Variants in JPH1 observed in about 807,000 individuals in gnomAD.
JPH1 encodes the protein junctophilin-1.
In JPH1, 12 loss-of-function variants were observed where a neutral mutation model predicts 53.6. The observed-to-expected ratio is 0.22, with a 90% CI of 0.14 to 0.36. JPH1 has a LOEUF of 0.36. Among genes scored for constraint, JPH1 ranks in the 10% least tolerant of loss-of-function variants. The pLI, the probability that JPH1 is intolerant of heterozygous loss-of-function variation, is 1.00. For synonymous variants in JPH1, 375 were observed against 363.8 expected (o/e 1.03, Z -0.35); for missense variants, 808 against 905.5 (o/e 0.89, Z 1.38).
intron 2 of JPH1, among the ~76,000 whole-genome samples, chr8:74,301,123 A>G (rs1807669620): frequency 6.6e-6 from 1 of 152,118 alleles, no homozygotes; most frequent in South Asian, 2.1e-4. Flanking sequence ...CAGTCCATCA[A>G]GTCCTGCTAA....
chr8:74,287,040 A>T (rs1424342774), intron 2 of JPH1, among the ~76,000 whole-genome samples: 1 of 152,212 alleles, frequency 6.6e-6, no homozygotes. Context: ...GCTACTTTTA[A>T]TTTACAACTC....
chr8:74,241,791 A>G (rs1250355841), intron 4 of JPH1, among the ~76,000 whole-genome samples: 1 of 152,224 alleles, frequency 6.6e-6, no homozygotes, highest in African/African-American at 2.4e-5. Flanking sequence ...TTCAAAAGAA[A>G]GATTAGATGA....
At chr8:74,249,818 C>G (rs1248354895) in intron 3 of JPH1, among the ~76,000 whole-genome samples, 1 of 152,064 alleles carries the variant, frequency 6.6e-6, no homozygotes, top group Non-Finnish European at 1.5e-5. Context: ...TAATTCATAC[C>G]AGAAATGCAA....
chr8:74,243,826 C>A (rs987617403), intron 4 of JPH1, among the ~76,000 whole-genome samples: 2 of 152,174 alleles, frequency 1.3e-5, no homozygotes, highest in African/African-American at 2.4e-5. Flanking sequence ...GCTTTTCTGG[C>A]TGAATAATAA....
chr8:74,298,017 T>TTTAGAGATTTCTCTA (rs1807570793), intron 2 of JPH1, among the ~76,000 whole-genome samples: 2 of 152,248 alleles, frequency 1.3e-5, no homozygotes, highest in Middle Eastern at 3.2e-3. Context: ...CTGCCTCTTC[T>TTTAGAGATTTCTCTA]TTAGAGATTT....
rs146741248 is a variant in JPH1 at position 74,320,997 on chromosome 8, C to A, written c.291G>T (p.Arg97=). ...AGCGAGCGGGGGTGCACAGGCTCTG[C>A]CGGACCCCGTAGCGCCCCTTGAAAC... ...SHGFKGRYGV[R]QSLCTPARYE... The change falls in exon 1 of 6, where the codon CGG becomes CGT. Residue 97 remains arginine (R), a synonymous_variant. Transcript: ENST00000342232. This position sits in a 1 kb window ranked among gnomAD's most constrained non-coding sequence, Gnocchi z 4.4. 6.2e-7 allele frequency: 1 copy of A among 1,612,768 alleles called. No individual in the cohort carries two copies. The highest frequency in any genetic ancestry group is 8.5e-7 in the Non-Finnish European group (1 of 1,179,480).
At chr8:74,277,943 CTT>C (rs892864272) in intron 2 of JPH1, among the ~76,000 whole-genome samples, 1 of 152,156 alleles carries the variant, frequency 6.6e-6, no homozygotes, top group Admixed American at 6.5e-5. Context: ...ACCAGTGTTG[CTT>C]TTTTTGTTGT....
Position 74,234,750 on chromosome 8 carries a change from T to C in JPH1, c.*2301A>G, listed in dbSNP as rs1563387579. On this transcript the variant is annotated 3_prime_UTR_variant, in exon 6 of 6. Coordinates refer to ENST00000342232, the MANE Select transcript of JPH1 (RefSeq NM_020647.4). ...TTAGAGCAGATACAGTTGTGAAAAC[T>C]GTACATTATACATTTTGGTTTCAAG... 6.6e-6 allele frequency: 1 copy of C among 152,640 alleles called. No individual in the cohort carries two copies. Among genetic ancestry groups the C allele is most frequent in the African/African-American group, 2.4e-5 (1 of 41,442 alleles). 9.5% of individuals were successfully genotyped at this position (152,640 alleles called of 1,614,324 possible). A position where few individuals can be genotyped will look rare whatever the true frequency, so the allele number is the denominator to read the frequency against.
chr8:74,295,963 G>A (rs893146353), intron 2 of JPH1, among the ~76,000 whole-genome samples: 3 of 145,724 alleles, frequency 2.1e-5, no homozygotes, highest in African/African-American at 5.1e-5. Flanking sequence ...TTTCAGTTAC[G>A]AATAATCACC....
rs532736343 is a variant in JPH1 at position 74,238,941 on chromosome 8, T to A, written c.1906-1638A>T. Among the ~76,000 whole-genome samples, 58 of 152,276 alleles carry A rather than the reference T, an allele frequency of 3.8e-4. No homozygotes were observed. The South Asian group carries it at 0.012, about 32-fold the overall frequency. On this transcript the variant is annotated intron_variant, in intron 4 of 5. Coordinates refer to ENST00000342232, the MANE Select transcript of JPH1 (RefSeq NM_020647.4). ...CCAAAGTGCTGGGATTCCAGGCGTG[T>A]ACCACAGTGCCTGACCCAAATGTGG...
chr8:74,299,457 G>C (rs1284523211), intron 2 of JPH1, among the ~76,000 whole-genome samples: 1 of 152,144 alleles, frequency 6.6e-6, no homozygotes, highest in African/African-American at 2.4e-5. Context: ...GCCAATCAAA[G>C]GGGGTCAACG....
chr8:74,253,332 C>T (rs1806122801), intron 3 of JPH1, among the ~76,000 whole-genome samples: 1 of 150,612 alleles, frequency 6.6e-6, no homozygotes, highest in South Asian at 2.1e-4. Context: ...TAAAGATGTT[C>T]TTTGAAACCA....
Position 74,315,334 on chromosome 8 carries a change from T to C in JPH1, c.666A>G (p.Lys222=), listed in dbSNP as rs931351291. The stretch of plus-strand genomic sequence containing the variant: ...AAGACTTGGATTCGGACTTGCGAAG[T>C]TTCATGCTTCCAAGAAGGGAGCCCC... ...FRRGSLLGSM[K]LRKSESKSSI... The change falls in exon 2 of 6, where the codon AAA becomes AAG. Residue 222 remains lysine, a synonymous_variant. Coordinates refer to ENST00000342232, the MANE Select transcript of JPH1 (RefSeq NM_020647.4). The surrounding 1 kb of genome is among the most constrained non-coding windows in gnomAD (Gnocchi z 6.3). 1 of 1,613,464 alleles carries C rather than the reference T, an allele frequency of 6.2e-7. No homozygotes were observed. Among genetic ancestry groups the C allele is most frequent in the African/African-American group, 1.3e-5 (1 of 74,914 alleles).
At chr8:74,301,796 A>T (rs376256324) in intron 2 of JPH1, among the ~76,000 whole-genome samples, 1 of 151,966 alleles carries the variant, frequency 6.6e-6, no homozygotes, top group Non-Finnish European at 1.5e-5. Context: ...TCTTTTTATG[A>T]TTGTTTGGCT....
rs558907304 is a variant in JPH1 at position 74,308,799 on chromosome 8, G to A, written c.1139+6062C>T. On this transcript the variant is annotated intron_variant, in intron 2 of 5. Coordinates refer to ENST00000342232, the MANE Select transcript of JPH1 (RefSeq NM_020647.4). ...CTTAAAGCAGAGTGAGGACCCAGCA[G>A]CCTGAGGAGCCAGCCAGAGGGAGCA... Among the ~76,000 whole-genome samples the A allele has an allele frequency of 2.6e-5, 4 of 152,346 alleles. No homozygotes were observed. The East Asian group carries it at 7.7e-4, about 29-fold the overall frequency.
intron 2 of JPH1, among the ~76,000 whole-genome samples, chr8:74,293,959 C>T (rs1419976063): frequency 1.3e-5 from 2 of 152,150 alleles, no homozygotes; most frequent in Non-Finnish European, 2.9e-5. Flanking sequence ...CATGGGGTGT[C>T]TCTTTTGTAG....
At chr8:74,284,234 C>G (rs1807096785) in intron 2 of JPH1, among the ~76,000 whole-genome samples, 1 of 152,226 alleles carries the variant, frequency 6.6e-6, no homozygotes, top group African/African-American at 2.4e-5. Flanking sequence ...CCTTTATCCT[C>G]TCTTGAGACT....
intron 2 of JPH1, among the ~76,000 whole-genome samples, chr8:74,305,255 T>C (rs1316109307): frequency 1.3e-5 from 2 of 152,220 alleles, no homozygotes; most frequent in Admixed American, 6.5e-5. Flanking sequence ...TAATGGAAAG[T>C]TGTGAGCAGG....
chr8:74,239,581 T>C lies in JPH1; in HGVS notation c.1906-2278A>G, dbSNP rs1184915788. On this transcript the variant is annotated intron_variant, in intron 4 of 5. Transcript: ENST00000342232. The stretch of plus-strand genomic sequence containing the variant: ...GCATAGAAATAATGCAGAAAACTCT[T>C]ATAACTCAGAAAATAGTGGAGACGA... Among the ~76,000 whole-genome samples the C allele has an allele frequency of 2.6e-5, 4 of 152,290 alleles. No homozygotes were observed. In the East Asian group the frequency reaches 7.7e-4, roughly 29 times the overall value.
Sources: allele counts gnomAD v4.1 joint callset (sites outside exome capture counted in the v4.1 genomes callset), GRCh38; gene constraint gnomAD v4.1.1; non-coding constraint Gnocchi (gnomAD v3.1); transcripts MANE v1.5; gene names NCBI Gene and HGNC (gene_info 2026-07-23, HGNC 2026-07-21).